NET1: variants seen among roughly 807,000 people sequenced by gnomAD.
NET1 encodes the protein neuroepithelial cell transforming 1.
NET1 carries 42 observed loss-of-function variants against 61.1 expected under a neutral mutation model. The observed-to-expected ratio is 0.69, with a 90% confidence interval of 0.54 to 0.89. The LOEUF is 0.89. NET1 is among the 40% of genes least tolerant of loss of function. The pLI, the probability that NET1 is intolerant of heterozygous loss-of-function variation, is 0.00. For synonymous variants in NET1, 254 were observed against 281.8 expected (o/e 0.90, Z 0.99); for missense variants, 654 against 747.3 (o/e 0.88, Z 1.46).
Position 5,452,539 on chromosome 10 carries a change from CAG to C in NET1, c.531+15_531+16del. ...AGACGGCAGGAGGTATGCTGGCACT[CAG>C]TGTACATGTTTTCCCAAAAGAACAG... On this transcript the variant is annotated intron_variant, in intron 5 of 11. Transcript: ENST00000355029. The surrounding 1 kb of genome is among the most constrained non-coding windows in gnomAD (Gnocchi z 4.0). The C allele has an allele frequency of 3.7e-6, 6 of 1,603,752 alleles. No homozygotes were observed. The highest frequency in any genetic ancestry group is 5.1e-6 in the Non-Finnish European group (6 of 1,174,734).
chr10:5,455,111 G>C lies in NET1; in HGVS notation c.1190G>C (p.Ser397Thr). 6.2e-7 allele frequency: 1 copy of C among 1,613,306 alleles called. No homozygotes were observed. Among genetic ancestry groups the C allele is most frequent in the Non-Finnish European group, 8.5e-7 (1 of 1,179,990 alleles). The change falls in exon 10 of 12, where the codon AGT (serine) becomes ACT (threonine). Residue 397 changes from serine (S) to threonine (T), a missense_variant. Ser to Thr is a moderately conservative substitution (Grantham distance 58). Transcript: ENST00000355029. This position sits in a 1 kb window ranked among gnomAD's most constrained non-coding sequence, Gnocchi z 6.5. ...LLCHGELRSK[S>T]GHKLYIFLFQ... is the part of the protein sequence containing the mutation. ...TGCCATGGGGAGCTGCGGAGCAAGA[G>C]TGGACATGTAGGTGACTTTTGCTGC...
chr10:5,449,954 C>T lies in NET1; in HGVS notation c.256-1876C>T, dbSNP rs913566217. Among the ~76,000 whole-genome samples, 2 of 152,150 alleles carry T rather than the reference C, an allele frequency of 1.3e-5. No homozygotes were observed. Among genetic ancestry groups the T allele is most frequent in the African/African-American group, 4.8e-5 (2 of 41,440 alleles). On this transcript the variant is annotated intron_variant, in intron 3 of 11. Transcript: ENST00000355029. This position sits in a 1 kb window ranked among gnomAD's most constrained non-coding sequence, Gnocchi z 4.4. ...CAACTGCTTTGTTCCAGTGAAATGTCGGCATTTCTTACTCTGTGAGGTAAT... is the reference window on the plus strand; with the variant it reads ...CAACTGCTTTGTTCCAGTGAAATGTTGGCATTTCTTACTCTGTGAGGTAAT...
rs1006701289 is a variant in NET1 at position 5,455,230 on chromosome 10, A to T, written c.1197+112A>T. The T allele has an allele frequency of 3.0e-6, 3 of 1,004,122 alleles. No individual in the cohort carries two copies. The highest frequency in any genetic ancestry group is 4.4e-6 in the Non-Finnish European group (3 of 682,132). 62.2% of individuals were successfully genotyped at this position (1,004,122 alleles called of 1,614,324 possible). ...GGGAAAGTCATGACATAGTAAAAGAAGGTTGCCAATTTTAATTTTATATTA... is the reference window on the plus strand; with the variant it reads ...GGGAAAGTCATGACATAGTAAAAGATGGTTGCCAATTTTAATTTTATATTA... On this transcript the variant is annotated intron_variant, in intron 10 of 11. Coordinates refer to ENST00000355029, the MANE Select transcript of NET1 (RefSeq NM_001047160.3). The surrounding 1 kb of genome is among the most constrained non-coding windows in gnomAD (Gnocchi z 6.5).
At chr10:5,414,741 AGAG>A (rs965340562) in intron 1 of NET1, among the ~76,000 whole-genome samples, 1 of 152,248 alleles carries the variant, frequency 6.6e-6, no homozygotes, top group African/African-American at 2.4e-5. Flanking sequence ...AACAGACAGT[AGAG>A]GAGAAAAATG....
Position 5,453,611 on chromosome 10 carries a change from G to A in NET1, c.768+51G>A. ...ATACAGTTTCTTACAGATGTGCCAT[G>A]TTGCAGTTTCTGATGAATATGAGAC... On this transcript the variant is annotated intron_variant, in intron 8 of 11. Coordinates refer to ENST00000355029, the MANE Select transcript of NET1 (RefSeq NM_001047160.3). This position sits in a 1 kb window ranked among gnomAD's most constrained non-coding sequence, Gnocchi z 4.9. The A allele has an allele frequency of 6.7e-7, 1 of 1,503,640 alleles. No individual in the cohort carries two copies. The highest frequency in any genetic ancestry group is 9.3e-7 in the Non-Finnish European group (1 of 1,079,710). The allele number at this position is 1,503,640 out of a possible 1,614,324, so 93.1% of individuals were successfully genotyped here. A position where few individuals can be genotyped will look rare whatever the true frequency, so the allele number is the denominator to read the frequency against.
In NET1 at chr10:5,429,155, C is replaced by G; in HGVS notation, c.196-15C>G. On this transcript the variant is annotated splice_polypyrimidine_tract_variant and intron_variant, in intron 2 of 11. Coordinates refer to ENST00000355029, the MANE Select transcript of NET1 (RefSeq NM_001047160.3). ...TTCCTTTTATATGAGAATGAAATCT[C>G]TATTTTTCTTTTAGAAAAGAAAACG... 6.3e-7 allele frequency: 1 copy of G among 1,585,226 alleles called. No individual in the cohort carries two copies. The highest frequency in any genetic ancestry group is 8.6e-7 in the Non-Finnish European group (1 of 1,157,012).
At chr10:5,438,164 G>T (rs190507082) in intron 3 of NET1, among the ~76,000 whole-genome samples, 70 of 152,192 alleles carry the variant, frequency 4.6e-4, no homozygotes, top group Non-Finnish European at 3.8e-4. Context: ...TCTCAAATCA[G>T]TACCCCAACT....
chr10:5,419,432 T>C (rs1421686985), intron 1 of NET1, among the ~76,000 whole-genome samples: 1 of 152,244 alleles, frequency 6.6e-6, no homozygotes, highest in Non-Finnish European at 1.5e-5. Flanking sequence ...GTTGGATTTA[T>C]GTCTGCCATT....
chr10:5,456,369 C>G lies in NET1; in HGVS notation c.1384+96C>G. ...AAGAATTCTAGAGATGAAATGGCTC[C>G]ATTGTCCTATACTTGTTACATCCAT... On this transcript the variant is annotated intron_variant, in intron 11 of 11. Transcript: ENST00000355029. This position sits in a 1 kb window ranked among gnomAD's most constrained non-coding sequence, Gnocchi z 7.0. The G allele has an allele frequency of 8.1e-7, 1 of 1,228,812 alleles. No individual in the cohort carries two copies. The highest frequency in any genetic ancestry group is 1.6e-5 in the South Asian group (1 of 63,042). The allele number at this position is 1,228,812 out of a possible 1,614,324, so 76.1% of individuals were successfully genotyped here. A position where few individuals can be genotyped will look rare whatever the true frequency, so the allele number is the denominator to read the frequency against.
Position 5,454,390 on chromosome 10 carries a change from C to T in NET1, c.894C>T (p.Phe298=). The T allele has an allele frequency of 6.2e-7, 1 of 1,614,158 alleles. No homozygotes were observed. The highest frequency in any genetic ancestry group is 8.5e-7 in the Non-Finnish European group (1 of 1,180,020). The part of the protein sequence containing the change: ...DFLQRCLESP[F]SRKLDLWSFL... The stretch of plus-strand genomic sequence containing the variant: ...TCCAGCGATGTCTCGAGTCTCCCTT[C>T]AGTCGAAAACTAGATCTTTGGAGTT... The change falls in exon 9 of 12, where the codon TTC becomes TTT. Residue 298 remains phenylalanine, a synonymous_variant. Transcript: ENST00000355029. The surrounding 1 kb of genome is among the most constrained non-coding windows in gnomAD (Gnocchi z 8.1).
rs1052006892 is a variant in NET1, at chr10:5,444,618, A to T, written c.256-7212A>T. ...TTGCTTTGTTTCTTTCCTTCTAACT[A>T]TTCCTTTTGCAGAATTTTCCTTCCC... On this transcript the variant is annotated intron_variant, in intron 3 of 11. Transcript: ENST00000355029. The surrounding 1 kb of genome is among the most constrained non-coding windows in gnomAD (Gnocchi z 5.3). Among the ~76,000 whole-genome samples, 1 of 151,992 alleles carries T rather than the reference A, an allele frequency of 6.6e-6. No individual in the cohort carries two copies. Among genetic ancestry groups the T allele is most frequent in the Non-Finnish European group, 1.5e-5 (1 of 67,996 alleles).
Position 5,443,278 on chromosome 10 carries a change from T to C in NET1, c.256-8552T>C, listed in dbSNP as rs548359754. Among the ~76,000 whole-genome samples, 1 of 152,360 alleles carries C rather than the reference T, an allele frequency of 6.6e-6. No homozygotes were observed. The highest frequency in any genetic ancestry group is 2.4e-5 in the African/African-American group (1 of 41,588). ...CTTTGGACAAGTTTCTTAAACTTGG[T>C]CAGTCCTAGTTTCCTCCTTCTCTAA... is the stretch of plus-strand genomic sequence containing the variant. On this transcript the variant is annotated intron_variant, in intron 3 of 11. Coordinates refer to ENST00000355029, the MANE Select transcript of NET1 (RefSeq NM_001047160.3). This position sits in a 1 kb window ranked among gnomAD's most constrained non-coding sequence, Gnocchi z 4.8.
In NET1 at chr10:5,453,025, A is replaced by G; in HGVS notation, c.594+105A>G. ...CTTTAGAAGTAGAAGAATAGAAAAT[A>G]TCTACTGGTGAATACATTTTTTTTA... On this transcript the variant is annotated intron_variant, in intron 6 of 11. Transcript: ENST00000355029. This position sits in a 1 kb window ranked among gnomAD's most constrained non-coding sequence, Gnocchi z 4.9. 2 of 850,602 alleles carry G rather than the reference A, an allele frequency of 2.4e-6. No homozygotes were observed. The highest frequency in any genetic ancestry group is 1.9e-6 in the Non-Finnish European group (1 of 513,580). The allele number at this position is 850,602 out of a possible 1,614,324, so 52.7% of individuals were successfully genotyped here.
rs912435279 is a variant in NET1, at chr10:5,420,103, T to G, written c.129-6552T>G. On this transcript the variant is annotated intron_variant, in intron 1 of 11. Coordinates refer to ENST00000355029, the MANE Select transcript of NET1 (RefSeq NM_001047160.3). The surrounding 1 kb of genome is among the most constrained non-coding windows in gnomAD (Gnocchi z 5.3). ...AGCCATTGTTTCTCTGAAGTTTTTT[T>G]CTGCTCTTTTCTCTTTTCCTCTCTT... is the stretch of plus-strand genomic sequence containing the variant. Among the ~76,000 whole-genome samples the G allele has an allele frequency of 6.6e-6, 1 of 152,232 alleles. No homozygotes were observed. The highest frequency in any genetic ancestry group is 2.4e-5 in the African/African-American group (1 of 41,470).
At position 5,456,147 on chromosome 10, in the gene NET1, G is replaced by A. The variant is rs758752089; in HGVS notation, c.1258G>A (p.Glu420Lys). Residue 420 changes from glutamate (E) to lysine (K), a missense_variant, in exon 11 of 12, where the codon GAA becomes AAA. Coordinates refer to ENST00000355029, the MANE Select transcript of NET1 (RefSeq NM_001047160.3). The surrounding 1 kb of genome is among the most constrained non-coding windows in gnomAD (Gnocchi z 7.0). ...LVLTRPVTRN[E>K]RHSYQVYRQP... is the part of the protein sequence containing the mutation. ...TCTGACTCGGCCCGTCACACGGAACGAACGGCACTCTTACCAGGTTTACCG... is the reference window on the plus strand; with the variant it reads ...TCTGACTCGGCCCGTCACACGGAACAAACGGCACTCTTACCAGGTTTACCG... 3 of 1,614,136 alleles carry A rather than the reference G, an allele frequency of 1.9e-6. No individual in the cohort carries two copies. The highest frequency in any genetic ancestry group is 1.1e-5 in the South Asian group (1 of 91,068).
rs766045697 is a variant in NET1, at chr10:5,456,246, C to T, written c.1357C>T (p.Arg453Ter). 2.5e-6 allele frequency: 4 copies of T among 1,612,714 alleles called. No individual in the cohort carries two copies. The highest frequency in any genetic ancestry group is 1.1e-5 in the South Asian group (1 of 90,648). ...DGDVRMGGSF[R>*]GAFSNSEKAK... is the part of the protein sequence containing the mutation. ...AGATGTGAGAATGGGAGGCTCCTTT[C>T]GAGGAGCTTTCAGTAACTCAGAGAA... The change falls in exon 11 of 12, where the codon CGA becomes TGA. Residue 453 changes from arginine to a stop codon, truncating the protein, a stop_gained. Transcript: ENST00000355029. LOFTEE classifies it low-confidence loss of function (END_TRUNC). This position sits in a 1 kb window ranked among gnomAD's most constrained non-coding sequence, Gnocchi z 7.0.
At position 5,436,901 on chromosome 10, in the gene NET1, C is replaced by T. The variant is rs78204795; in HGVS notation, c.255+7672C>T. 6.5e-3 allele frequency among the ~76,000 whole-genome samples: 992 copies of T among 152,248 alleles called. 7 individuals are homozygous for T. Among genetic ancestry groups the T allele is most frequent in the Non-Finnish European group, 9.3e-3 (635 of 68,018 alleles). On this transcript the variant is annotated intron_variant, in intron 3 of 11. Coordinates refer to ENST00000355029, the MANE Select transcript of NET1 (RefSeq NM_001047160.3). ...TATAAGATAATAAAACATTGTTTTG[C>T]TGTGACAGAGGTCCAAAAAAGAAAG...
intron 3 of NET1, among the ~76,000 whole-genome samples, chr10:5,430,401 G>A (rs182770219): frequency 1.4e-5 from 2 of 147,000 alleles, no homozygotes; most frequent in Admixed American, 1.4e-4. Flanking sequence ...TTGAGGCGGA[G>A]TCTCGCTCTG....
rs777534435 is a variant in NET1, at chr10:5,454,464, A to G, written c.968A>G (p.Lys323Arg). Residue 323 changes from lysine (K) to arginine (R), a missense_variant, in exon 9 of 12, where the codon AAA (lysine) becomes AGA (arginine). By Grantham distance (26) the Lys-to-Arg change is conservative. Transcript: ENST00000355029. The surrounding 1 kb of genome is among the most constrained non-coding windows in gnomAD (Gnocchi z 8.1). Reference protein sequence around the residue: ...SRLVKYPLLLKEILKHTPKEH... With the variant: ...SRLVKYPLLLREILKHTPKEH... ...CTAGTCAAATACCCTTTACTGTTAA[A>G]AGAAATTCTTAAACACACTCCAAAA... The G allele has an allele frequency of 6.2e-7, 1 of 1,614,192 alleles. No homozygotes were observed. Among genetic ancestry groups the G allele is most frequent in the South Asian group, 1.1e-5 (1 of 91,072 alleles).
Sources: gnomAD v4.1 joint callset for allele counts (sites outside exome capture counted in the v4.1 genomes callset) on GRCh38, gnomAD v4.1.1 for gene constraint, Gnocchi (gnomAD v3.1) non-coding constraint, MANE v1.5 for transcripts, NCBI Gene and HGNC (gene_info 2026-07-23, HGNC 2026-07-21) for gene names.